Variants in MEGF8 observed in about 807,000 individuals in gnomAD.
MEGF8 encodes multiple epidermal growth factor-like domains protein 8.
A neutral mutation model predicts 302.9 loss-of-function variants in MEGF8; 156 were observed. That is an observed-to-expected ratio of 0.52 (90% CI 0.45 to 0.59). The LOEUF is 0.59. MEGF8 is among the 20% of genes least tolerant of loss of function. MEGF8 has a pLI of 0.00. For synonymous variants in MEGF8, 1,621 were observed against 1,660.5 expected (o/e 0.98, Z 0.58); for missense variants, 3,345 against 3,964.5 (o/e 0.84, Z 4.20).
intron 31 of MEGF8, 37 bp from the exon 32 acceptor site, chr19:42,360,738 T>C (rs1260877207): frequency 1.9e-6 from 3 of 1,551,100 alleles, no homozygotes; most frequent in East Asian, 2.4e-5. Context: ...TGGAGTCTCC[T>C]GCTCTCTATC....
At position 42,358,425 on chromosome 19, in the gene MEGF8, C is replaced by T; in HGVS notation, c.5175+118C>T. ...CCTGCTTCCCCTCCTTTCTATGTTC[C>T]CTAACTAAGCGACACCCCCACATCT... On this transcript the variant is annotated intron_variant, in intron 29 of 41. Transcript: ENST00000251268. This position sits in a 1 kb window ranked among gnomAD's most constrained non-coding sequence, Gnocchi z 4.4. 7.8e-7 allele frequency: 1 copy of T among 1,286,340 alleles called. No homozygotes were observed. The highest frequency in any genetic ancestry group is 1.5e-5 in the South Asian group (1 of 67,870). 79.7% of individuals were successfully genotyped at this position (1,286,340 alleles called of 1,614,324 possible).
chr19:42,370,527 G>A, intron 39 of MEGF8, 168 bp downstream of exon 39: 1 of 907,276 alleles, frequency 1.1e-6, no homozygotes. Flanking sequence ...TTGAACTCCT[G>A]GGTCTGAGGG....
In MEGF8 at chr19:42,358,232, C is replaced by T. The variant is rs1020286286; in HGVS notation, c.5100C>T (p.Ala1700=). Residue 1700 remains alanine, a synonymous_variant, in exon 29 of 42, where the codon GCC becomes GCT. Transcript: ENST00000251268. This position sits in a 1 kb window ranked among gnomAD's most constrained non-coding sequence, Gnocchi z 4.4. The part of the protein sequence containing the change: ...GGFRFHVELA[A]PSPELYSLHC... ...TCCGATTCCATGTGGAGCTGGCGGCCCCATCCCCCGAGCTCTACTCCCTGC... is the reference window on the plus strand; with the variant it reads ...TCCGATTCCATGTGGAGCTGGCGGCTCCATCCCCCGAGCTCTACTCCCTGC... 6 of 1,600,870 alleles carry T rather than the reference C, an allele frequency of 3.7e-6. No individual in the cohort carries two copies. Among genetic ancestry groups the T allele is most frequent in the Non-Finnish European group, 3.4e-6 (4 of 1,174,720 alleles).
chr19:42,337,898 G>A (rs1248614195), intron 8 of MEGF8, among the ~76,000 whole-genome samples: 1 of 152,114 alleles, frequency 6.6e-6, no homozygotes, highest in East Asian at 1.9e-4. Context: ...CCACCTCCCG[G>A]GTTCAAGCGA....
chr19:42,334,932 CCTGT>C (rs1327610101), intron 3 of MEGF8, 99 bp from the exon 4 acceptor site: 31 of 1,143,314 alleles, frequency 2.7e-5, no homozygotes, highest in South Asian at 5.0e-5. Flanking sequence ...CCCTTTGTGC[CCTGT>C]CTGTCTCATT....
At position 42,376,199 on chromosome 19, in the gene MEGF8, C is replaced by T. The variant is rs1424544963; in HGVS notation, c.7962C>T (p.Val2654=). 6.2e-7 allele frequency: 1 copy of T among 1,606,184 alleles called. No individual in the cohort carries two copies. Among genetic ancestry groups the T allele is most frequent in the East Asian group, 2.3e-5 (1 of 44,406 alleles). ...TTGACCTGTTTGTCTTCTTCTCCGT[C>T]TTCTTCTCCTGCTTCTTCCTCTTCC... ...AHIDLFVFFS[V]FFSCFFLFLS... The change falls in exon 42 of 42, where the codon GTC becomes GTT. Residue 2654 remains valine, a synonymous_variant. Coordinates refer to ENST00000251268, the MANE Select transcript of MEGF8 (RefSeq NM_001271938.2). The surrounding 1 kb of genome is among the most constrained non-coding windows in gnomAD (Gnocchi z 8.2).
chr19:42,369,706 T>C lies in MEGF8; in HGVS notation c.6817T>C (p.Cys2273Arg). Residue 2273 changes from cysteine (C) to arginine (R), a missense_variant, in exon 38 of 42, where the codon TGC (cysteine) becomes CGC (arginine). Physicochemically the swap from Cys to Arg is radical, Grantham distance 180 (BLOSUM62 -3). Coordinates refer to ENST00000251268, the MANE Select transcript of MEGF8 (RefSeq NM_001271938.2). The surrounding 1 kb of genome is among the most constrained non-coding windows in gnomAD (Gnocchi z 5.7). ...TGGGGCGCGTGACCACTGCTTGCTC[T>C]GCCGCAACCACACCAAGGTGGGCCG... ...GVGARDHCLL[C>R]RNHTKGSHCE... is the part of the protein sequence containing the mutation. 6.2e-7 allele frequency: 1 copy of C among 1,608,920 alleles called. No homozygotes were observed. The highest frequency in any genetic ancestry group is 2.2e-5 in the East Asian group (1 of 44,704).
chr19:42,362,913 A>C, intron 34 of MEGF8, 135 bp from the exon 35 acceptor site: 1 of 714,898 alleles, frequency 1.4e-6, no homozygotes. Context: ...CTTGGGTCTG[A>C]GGGAGGAGGG....
Position 42,356,674 on chromosome 19 carries a change from A to T in MEGF8, c.4623-100A>T. 1 of 1,257,382 alleles carries T rather than the reference A, an allele frequency of 8.0e-7. No individual in the cohort carries two copies. The highest frequency in any genetic ancestry group is 1.1e-6 in the Non-Finnish European group (1 of 913,872). The allele number at this position is 1,257,382 out of a possible 1,614,324, so 77.9% of individuals were successfully genotyped here. A position where few individuals can be genotyped will look rare whatever the true frequency, so the allele number is the denominator to read the frequency against. The stretch of plus-strand genomic sequence containing the variant: ...GAATGGCAAGAGGACTGTCATAGGA[A>T]GGTCACCCCAGGGGATGCGGGGACA... On this transcript the variant is annotated intron_variant, in intron 26 of 41. Transcript: ENST00000251268. The surrounding 1 kb of genome is among the most constrained non-coding windows in gnomAD (Gnocchi z 5.2).
rs2039400509 is a variant in MEGF8 at position 42,353,095 on chromosome 19, A to G, written c.3518A>G (p.Lys1173Arg). Residue 1173 changes from lysine to arginine, a missense_variant, in exon 20 of 42, where the codon AAG becomes AGG. Physicochemically the swap from Lys to Arg is conservative, Grantham distance 26. Coordinates refer to ENST00000251268, the MANE Select transcript of MEGF8 (RefSeq NM_001271938.2). The surrounding 1 kb of genome is among the most constrained non-coding windows in gnomAD (Gnocchi z 6.1). ...CGCSFHSHCR[K>R]RGPGFCDECQ... is the part of the protein sequence containing the mutation. Reference sequence around the variant, plus strand: ...TGCAGCTTCCACAGCCACTGCCGCAAGCGGGGCCCTGGCTTCTGCGACGAG... The same window carrying G: ...TGCAGCTTCCACAGCCACTGCCGCAGGCGGGGCCCTGGCTTCTGCGACGAG... 2 of 1,548,722 alleles carry G rather than the reference A, an allele frequency of 1.3e-6. No homozygotes were observed. Among genetic ancestry groups the G allele is most frequent in the Admixed American group, 3.9e-5 (2 of 50,678 alleles).
At chr19:42,331,456 A>G (rs767880328) in intron 1 of MEGF8, among the ~76,000 whole-genome samples, 4 of 152,202 alleles carry the variant, frequency 2.6e-5, no homozygotes, top group Non-Finnish European at 5.9e-5. Context: ...AAGGCTTCTC[A>G]TGTGGGATGT....
In MEGF8 at chr19:42,344,058, G is replaced by A; in HGVS notation, c.1773G>A (p.Gly591=). The part of the protein sequence containing the change: ...QGACQAAPPP[G]TPLGACPAAS... ...CCTGCCAAGCTGCACCCCCTCCTGG[G>A]ACCCCCTTGGGGGCTGTGAGTGACA... Residue 591 remains glycine (G), a synonymous_variant, in exon 10 of 42, where the codon GGG becomes GGA. Coordinates refer to ENST00000251268, the MANE Select transcript of MEGF8 (RefSeq NM_001271938.2). This position sits in a 1 kb window ranked among gnomAD's most constrained non-coding sequence, Gnocchi z 4.5. 2 of 1,613,374 alleles carry A rather than the reference G, an allele frequency of 1.2e-6. No homozygotes were observed. The highest frequency in any genetic ancestry group is 1.7e-6 in the Non-Finnish European group (2 of 1,179,704).
chr19:42,368,446 C>G lies in MEGF8; in HGVS notation c.6274-9C>G, dbSNP rs373417416. On this transcript the variant is annotated splice_polypyrimidine_tract_variant and intron_variant, in intron 35 of 41. Coordinates refer to ENST00000251268, the MANE Select transcript of MEGF8 (RefSeq NM_001271938.2). This position sits in a 1 kb window ranked among gnomAD's most constrained non-coding sequence, Gnocchi z 4.9. ...TTCCCTGCATCCCCATCCCCTCCCCCCCATACAGTGTCTGAGCCCTTCCTA... is the reference window on the plus strand; with the variant it reads ...TTCCCTGCATCCCCATCCCCTCCCCGCCATACAGTGTCTGAGCCCTTCCTA... 4.1e-4 allele frequency: 655 copies of G among 1,595,510 alleles called. 3 individuals carry two copies. In the Middle Eastern group the frequency reaches 8.7e-3, roughly 21 times the overall value.
At position 42,344,113 on chromosome 19, in the gene MEGF8, G is replaced by C; in HGVS notation, c.1788+40G>C. 1 of 1,603,576 alleles carries C rather than the reference G, an allele frequency of 6.2e-7. No individual in the cohort carries two copies. The highest frequency in any genetic ancestry group is 8.5e-7 in the Non-Finnish European group (1 of 1,175,924). ...TAGACCCTCTGTTCCCTAGCATAGAGACCTGCCCTCAGTGTCTCCCTCTGC... is the reference window on the plus strand; with the variant it reads ...TAGACCCTCTGTTCCCTAGCATAGACACCTGCCCTCAGTGTCTCCCTCTGC... On this transcript the variant is annotated intron_variant, in intron 10 of 41. Transcript: ENST00000251268. This position sits in a 1 kb window ranked among gnomAD's most constrained non-coding sequence, Gnocchi z 4.5.
rs915974710 is a variant in MEGF8 at position 42,349,834 on chromosome 19, A to G, written c.2499+135A>G. 64 of 893,050 alleles carry G rather than the reference A, an allele frequency of 7.2e-5. No individual in the cohort carries two copies. The African/African-American group carries it at 9.8e-4, about 14-fold the overall frequency. The allele number at this position is 893,050 out of a possible 1,614,324, so 55.3% of individuals were successfully genotyped here. The stretch of plus-strand genomic sequence containing the variant: ...GGACTCCTTAACTCTTGGCCTCTGA[A>G]CTCTGGACCTCCTCTTGAACCCTGT... On this transcript the variant is annotated intron_variant, in intron 14 of 41. Transcript: ENST00000251268.
rs201884373 is a variant in MEGF8, at chr19:42,369,032, C to A, written c.6641+30C>A. On this transcript the variant is annotated intron_variant, in intron 37 of 41. Transcript: ENST00000251268. This position sits in a 1 kb window ranked among gnomAD's most constrained non-coding sequence, Gnocchi z 5.7. ...GGCCGCAGGCGGCGCTGGGGCCAGG[C>A]AGGCTAGGGTGGGAGAGTCTGTGGG... The A allele has an allele frequency of 6.2e-7, 1 of 1,608,342 alleles. No homozygotes were observed. The highest frequency in any genetic ancestry group is 1.3e-5 in the African/African-American group (1 of 74,922).
In MEGF8 at chr19:42,375,642, G is replaced by T. The variant is rs2039755573; in HGVS notation, c.7405G>T (p.Ala2469Ser). The T allele has an allele frequency of 6.2e-7, 1 of 1,609,352 alleles. No homozygotes were observed. Among genetic ancestry groups the T allele is most frequent in the Non-Finnish European group, 8.5e-7 (1 of 1,178,458 alleles). The change falls in exon 42 of 42, where the codon GCG becomes TCG. Residue 2469 changes from alanine (A) to serine (S), a missense_variant. Transcript: ENST00000251268. The surrounding 1 kb of genome is among the most constrained non-coding windows in gnomAD (Gnocchi z 7.1). ...CTGCTTCCATGAGCCCAAACGCCGG[G>T]CGCTAGGCCCCGGCCGCACTGTCCT... The part of the protein sequence containing the change: ...TNCFHEPKRR[A>S]LGPGRTVLFG...
In MEGF8 at chr19:42,357,342, C is replaced by T. The variant is rs2039466984; in HGVS notation, c.4831-62C>T. Reference sequence around the variant, plus strand: ...GACTGTGGGGGGCTGAGGCTCGCTTCTACCCACAAGGTGACCCCTGACCTC... The same window carrying T: ...GACTGTGGGGGGCTGAGGCTCGCTTTTACCCACAAGGTGACCCCTGACCTC... On this transcript the variant is annotated intron_variant, in intron 27 of 41. Transcript: ENST00000251268. The surrounding 1 kb of genome is among the most constrained non-coding windows in gnomAD (Gnocchi z 5.2). 6.4e-7 allele frequency: 1 copy of T among 1,563,714 alleles called. No homozygotes were observed. The highest frequency in any genetic ancestry group is 8.7e-7 in the Non-Finnish European group (1 of 1,146,570).
rs1408453459 is a variant in MEGF8 at position 42,377,122 on chromosome 19, G to A, written c.*347G>A. 1 of 253,338 alleles carries A rather than the reference G, an allele frequency of 3.9e-6. No homozygotes were observed. Among genetic ancestry groups the A allele is most frequent in the Non-Finnish European group, 7.5e-6 (1 of 133,386 alleles). 15.7% of individuals were successfully genotyped at this position (253,338 alleles called of 1,614,324 possible). Reference sequence around the variant, plus strand: ...CATGCACATGTGCACACACAAGTAAGATGGCTTCAGAGAGGGAGAAGCACT... The same window carrying A: ...CATGCACATGTGCACACACAAGTAAAATGGCTTCAGAGAGGGAGAAGCACT... On this transcript the variant is annotated 3_prime_UTR_variant, in exon 42 of 42. Coordinates refer to ENST00000251268, the MANE Select transcript of MEGF8 (RefSeq NM_001271938.2).
Sources: gnomAD v4.1 joint callset for allele counts (sites outside exome capture counted in the v4.1 genomes callset) on GRCh38, gnomAD v4.1.1 for gene constraint, Gnocchi (gnomAD v3.1) non-coding constraint, MANE v1.5 for transcripts, NCBI Gene and HGNC (gene_info 2026-07-23, HGNC 2026-07-21) for gene names.